The following MAST3 variants were observed in gnomAD, a reference collection of about 807,000 sequenced individuals.
MAST3 encodes the protein microtubule-associated serine/threonine-protein kinase 3.
MAST3 carries 43 observed loss-of-function variants against 127.0 expected under a neutral mutation model. That is an observed-to-expected ratio of 0.34 (90% confidence interval 0.27 to 0.44). The LOEUF (loss-of-function observed/expected upper bound fraction) is 0.44, where lower values mean the gene tolerates loss of function less well. Among genes scored for constraint, MAST3 ranks in the 20% least tolerant of loss-of-function variants. The probability of loss-of-function intolerance (pLI) is 1.00; values close to 1 mark genes in which losing one functional copy is unlikely to be tolerated. For synonymous variants in MAST3, 785 were observed against 809.2 expected (o/e 0.97, Z 0.51); for missense variants, 1,390 against 1,919.1 (o/e 0.72, Z 5.15).
intron 11 of MAST3, among the ~76,000 whole-genome samples, chr19:18,126,240 A>T (rs72999449): frequency 0.22 from 33,526 of 150,854 alleles, 3,750 homozygotes; most frequent in Non-Finnish European, 0.25. Context: ...AAAAAAAAAA[A>T]TTTCCACAAA....
At chr19:18,108,915 A>C (rs2038281354) in intron 2 of MAST3, among the ~76,000 whole-genome samples, 1 of 152,052 alleles carries the variant, frequency 6.6e-6, no homozygotes, top group Non-Finnish European at 1.5e-5. Flanking sequence ...GCCAGAGGGG[A>C]TACAGACAAT....
chr19:18,104,889 A>C (rs1277314527), intron 1 of MAST3, among the ~76,000 whole-genome samples: 5 of 152,138 alleles, frequency 3.3e-5, no homozygotes, highest in Non-Finnish European at 7.4e-5. Context: ...CAGCAATAGT[A>C]ATGGCTGATC....
chr19:18,141,978 G>C lies in MAST3; in HGVS notation c.2302G>C (p.Glu768Gln). Residue 768 changes from glutamate (E) to glutamine (Q), a missense_variant, in exon 21 of 28, where the codon GAA becomes CAA. Glu to Gln is a conservative substitution (Grantham distance 29). Transcript: ENST00000687212. Reference sequence around the variant, plus strand: ...CCGGGAGGAGGGGTGGGAGCGCAGCGAAGTGGACTATGGCCGCCGGCTGAG... The same window carrying C: ...CCGGGAGGAGGGGTGGGAGCGCAGCCAAGTGGACTATGGCCGCCGGCTGAG... ...EDREEGWERS[E>Q]VDYGRRLSAD... 2 of 1,542,174 alleles carry C rather than the reference G, an allele frequency of 1.3e-6. No homozygotes were observed. The highest frequency in any genetic ancestry group is 2.5e-5 in the South Asian group (2 of 79,936).
rs879374240 is a variant in MAST3, at chr19:18,129,334, C to T, written c.1223+383C>T. On this transcript the variant is annotated intron_variant, in intron 13 of 27. Coordinates refer to ENST00000687212, the MANE Select transcript of MAST3 (RefSeq NM_001393504.1). ...CATAAGCCTTTTGGAGGCTGAGGTT[C>T]CAGGAGTCACCATCAAGAGGGAGAG... 1.0e-4 allele frequency: 19 copies of T among 183,124 alleles called. 1 individual carries two copies. Among genetic ancestry groups the T allele is most frequent in the Admixed American group, 4.0e-4 (7 of 17,536 alleles). 11.3% of individuals were successfully genotyped at this position (183,124 alleles called of 1,614,324 possible). A position where few individuals can be genotyped will look rare whatever the true frequency, so the allele number is the denominator to read the frequency against.
chr19:18,110,110 G>T lies in MAST3; in HGVS notation c.72-542G>T, dbSNP rs1343238000. The stretch of plus-strand genomic sequence containing the variant: ...CCTCGCTGCCGGGCCGGGCCTGCGC[G>T]CAGGTGCGGAGCTGCGATCCCCGCC... On this transcript the variant is annotated intron_variant, in intron 2 of 27. Coordinates refer to ENST00000687212, the MANE Select transcript of MAST3 (RefSeq NM_001393504.1). This position sits in a 1 kb window ranked among gnomAD's most constrained non-coding sequence, Gnocchi z 4.3. 1 of 985,220 alleles carries T rather than the reference G, an allele frequency of 1.0e-6. No individual in the cohort carries two copies. The highest frequency in any genetic ancestry group is 1.2e-6 in the Non-Finnish European group (1 of 829,928). 61.0% of individuals were successfully genotyped at this position (985,220 alleles called of 1,614,324 possible). A position where few individuals can be genotyped will look rare whatever the true frequency, so the allele number is the denominator to read the frequency against.
chr19:18,132,610 G>T (rs139991733), intron 15 of MAST3, among the ~76,000 whole-genome samples: 5 of 152,310 alleles, frequency 3.3e-5, no homozygotes, highest in Non-Finnish European at 7.4e-5. Context: ...CCTACTGCAT[G>T]CCAGACCCTC....
intron 21 of MAST3, among the ~76,000 whole-genome samples, chr19:18,143,090 T>G (rs1218178003): frequency 1.4e-5 from 2 of 147,480 alleles, no homozygotes; most frequent in Non-Finnish European, 3.0e-5. Context: ...CCGGCCGGGG[T>G]GACAGAGCGA....
Position 18,123,649 on chromosome 19 carries a change from C to T in MAST3, c.627C>T (p.Phe209=). The T allele has an allele frequency of 6.3e-7, 1 of 1,578,770 alleles. No homozygotes were observed. ...VMMNHVYRER[F]PKATAQMEGR... ...TGAATCACGTGTACCGGGAGAGGTT[C>T]CCCAAGGTGGGCAGCGCCTGGCGGC... Residue 209 remains phenylalanine (F), a synonymous_variant, in exon 8 of 28, where the codon TTC becomes TTT. Coordinates refer to ENST00000687212, the MANE Select transcript of MAST3 (RefSeq NM_001393504.1).
intron 15 of MAST3, among the ~76,000 whole-genome samples, chr19:18,134,249 C>A (rs1026370415): frequency 1.3e-5 from 2 of 152,072 alleles, no homozygotes; most frequent in African/African-American, 4.8e-5. Context: ...CACACACACA[C>A]ATATACGCAC....
At chr19:18,135,937 C>G (rs1256257807) in intron 18 of MAST3, 96 bp downstream of exon 18, 1 of 905,790 alleles carries the variant, frequency 1.1e-6, no homozygotes, top group Non-Finnish European at 1.7e-6. Context: ...AAGAGTTCTA[C>G]TTGGGAAGCT....
intron 14 of MAST3, 127 bp downstream of exon 14, chr19:18,130,829 C>A (rs2147373298): frequency 3.2e-6 from 3 of 930,710 alleles, no homozygotes; most frequent in South Asian, 1.6e-5. Flanking sequence ...CTTTGGGGAA[C>A]CCTCAGGAAC....
intron 7 of MAST3, 38 bp downstream of exon 7, chr19:18,123,412 C>T: frequency 3.2e-6 from 5 of 1,578,494 alleles, no homozygotes; most frequent in Non-Finnish European, 4.3e-6. Flanking sequence ...CGGCCCCTCC[C>T]TGGGCTGGTG....
Position 18,149,975 on chromosome 19 carries a change from CTTTT to C in MAST3, c.*255_*258del, listed in dbSNP as rs71872759. Reference sequence around the variant, plus strand: ...GCAAATCCCTGCAACTAATTTATTACTTTTTTTTTCTTTTTTTTTTTTTTTTTTT... The same window carrying C: ...GCAAATCCCTGCAACTAATTTATTACTTTTTCTTTTTTTTTTTTTTTTTTT... On this transcript the variant is annotated 3_prime_UTR_variant, in exon 28 of 28. Transcript: ENST00000687212. This position sits in a 1 kb window ranked among gnomAD's most constrained non-coding sequence, Gnocchi z 5.9. 167,442 of 314,110 alleles carry C rather than the reference CTTTT, an allele frequency of 0.53. 45,025 individuals carry two copies. The highest frequency in any genetic ancestry group is 0.76 in the East Asian group (9,990 of 13,160). 19.5% of individuals were successfully genotyped at this position (314,110 alleles called of 1,614,324 possible). A position where few individuals can be genotyped will look rare whatever the true frequency, so the allele number is the denominator to read the frequency against.
At chr19:18,103,654 C>T (rs1223417991) in intron 1 of MAST3, among the ~76,000 whole-genome samples, 1 of 152,202 alleles carries the variant, frequency 6.6e-6, no homozygotes, top group African/African-American at 2.4e-5. Flanking sequence ...CCAAGTCTCC[C>T]CCAGCACCAG....
chr19:18,147,598 G>T lies in MAST3; in HGVS notation c.3482G>T (p.Arg1161Leu), dbSNP rs199839246. Residue 1161 changes from arginine (R) to leucine (L), a missense_variant, in exon 27 of 28, where the codon CGA becomes CTA. Arg to Leu is a moderately radical substitution (Grantham distance 102). This residue lies in a region of MAST3 where 816 missense variants were observed against 934.1 expected (regional missense o/e 0.87). Transcript: ENST00000687212. ...SLSPSPTTPC[R>L]SPAPDVPADT... is the part of the protein sequence containing the mutation. ...TCCCCCAGCCCCACCACTCCCTGCCGAAGCCCAGCCCCTGATGTCCCAGCA... is the reference window on the plus strand; with the variant it reads ...TCCCCCAGCCCCACCACTCCCTGCCTAAGCCCAGCCCCTGATGTCCCAGCA... The T allele has an allele frequency of 1.3e-6, 2 of 1,556,658 alleles. No homozygotes were observed. The highest frequency in any genetic ancestry group is 2.4e-5 in the East Asian group (1 of 41,366).
chr19:18,132,126 G>A (rs2041372056), intron 15 of MAST3, 79 bp downstream of exon 15: 6 of 1,565,956 alleles, frequency 3.8e-6, no homozygotes, highest in East Asian at 2.2e-5. Flanking sequence ...AGAGGATCAG[G>A]GCAGAGCCTC....
rs2039506612 is a variant in MAST3 at position 18,118,088 on chromosome 19, G to T, written c.162-3597G>T. On this transcript the variant is annotated intron_variant, in intron 3 of 27. Transcript: ENST00000687212. ...GCCCCCCTCCCTGTCCGGCTCCGCG[G>T]GGCTCCTGGGGCCGATCCCACCGCC... 3 of 985,204 alleles carry T rather than the reference G, an allele frequency of 3.0e-6. No homozygotes were observed. In the African/African-American group the frequency reaches 5.2e-5, roughly 17 times the overall value. The allele number at this position is 985,204 out of a possible 1,614,324, so 61.0% of individuals were successfully genotyped here.
In MAST3 at chr19:18,151,390, G is replaced by C. The variant is rs1599950210; in HGVS notation, c.*1664G>C. 2 of 152,320 alleles carry C rather than the reference G, an allele frequency of 1.3e-5. No individual in the cohort carries two copies. The highest frequency in any genetic ancestry group is 1.9e-4 in the East Asian group (1 of 5,180). 9.4% of individuals were successfully genotyped at this position (152,320 alleles called of 1,614,324 possible). ...GTCCCACGATCACCCAGCAGGAGTC[G>C]TGGCAGAACGGAGCATCAGCCAGAC... On this transcript the variant is annotated 3_prime_UTR_variant, in exon 28 of 28. Coordinates refer to ENST00000687212, the MANE Select transcript of MAST3 (RefSeq NM_001393504.1).
At position 18,128,543 on chromosome 19, in the gene MAST3, G is replaced by A. The variant is rs544021509; in HGVS notation, c.1137+85G>A. 33 of 1,375,828 alleles carry A rather than the reference G, an allele frequency of 2.4e-5. No homozygotes were observed. The Middle Eastern group carries it at 5.4e-4, about 23-fold the overall frequency. The allele number at this position is 1,375,828 out of a possible 1,614,324, so 85.2% of individuals were successfully genotyped here. A position where few individuals can be genotyped will look rare whatever the true frequency, so the allele number is the denominator to read the frequency against. ...ACCCGCAGAAAGGGCTGGGTTTGCC[G>A]AGGTCTTGCATGTAGCTTAATTAGC... On this transcript the variant is annotated intron_variant, in intron 12 of 27. Transcript: ENST00000687212.
Sources: gnomAD v4.1 joint callset for allele counts (sites outside exome capture counted in the v4.1 genomes callset) on GRCh38, gnomAD v4.1.1 for gene constraint, gnomAD v4.1.1 regional missense constraint, Gnocchi (gnomAD v3.1) non-coding constraint, MANE v1.5 for transcripts, NCBI Gene and HGNC (gene_info 2026-07-23, HGNC 2026-07-21) for gene names.